The following PTPRD variants were observed in gnomAD, a reference collection of about 807,000 sequenced individuals.
PTPRD encodes the protein protein tyrosine phosphatase receptor type D.
Under a neutral mutation model 214.5 loss-of-function variants are expected in PTPRD, and 34 were observed. That is an observed-to-expected ratio of 0.16 (90% CI 0.12 to 0.21). The LOEUF is 0.21. PTPRD is among the 10% of genes least tolerant of loss of function. The probability of loss-of-function intolerance (pLI) is 1.00; values close to 1 mark genes in which losing one functional copy is unlikely to be tolerated. For synonymous variants in PTPRD, 1,128 were observed against 845.7 expected (o/e 1.33, Z -5.79); for missense variants, 2,545 against 2,398.7 (o/e 1.06, Z -1.27).
At chr9:8,530,755 C>A (rs1043752298) in intron 14 of PTPRD, among the ~76,000 whole-genome samples, 2 of 152,098 alleles carry the variant, frequency 1.3e-5, no homozygotes, top group Admixed American at 6.6e-5. Flanking sequence ...CAGAGAGATT[C>A]TGAATGTGAA....
At chr9:8,962,356 T>C (rs1191194134) in intron 11 of PTPRD, among the ~76,000 whole-genome samples, 1 of 152,246 alleles carries the variant, frequency 6.6e-6, no homozygotes, top group East Asian at 1.9e-4. Context: ...TCAGAGAGGC[T>C]AATATGTGCC....
chr9:10,363,258 G>A (rs1456633696), intron 2 of PTPRD, among the ~76,000 whole-genome samples: 1 of 152,146 alleles, frequency 6.6e-6, no homozygotes, highest in African/African-American at 2.4e-5. Context: ...TGAGGTCAAG[G>A]CTATTGGTCC....
intron 9 of PTPRD, among the ~76,000 whole-genome samples, chr9:9,344,653 T>C (rs2137596801): frequency 6.6e-6 from 1 of 152,238 alleles, no homozygotes; most frequent in African/African-American, 2.4e-5. Flanking sequence ...AATGTTTCTG[T>C]ATTCTGAAAA....
chr9:8,806,840 G>A (rs1043485498), intron 11 of PTPRD, among the ~76,000 whole-genome samples: 1 of 152,064 alleles, frequency 6.6e-6, no homozygotes. Flanking sequence ...CCTCCACTTG[G>A]CTACTGTACT....
rs548037336 is a variant in PTPRD at position 10,035,923 on chromosome 9, A to G, written c.-544-2133T>C. 9.0e-4 allele frequency among the ~76,000 whole-genome samples: 136 copies of G among 151,932 alleles called. 1 individual carries two copies. In the East Asian group the frequency reaches 0.024, roughly 27 times the overall value. On this transcript the variant is annotated intron_variant, in intron 3 of 45. Transcript: ENST00000381196. ...GCCCTTGTTCAGGAAGCGGAAATCT[A>G]TATCTTCATTTGTTTGTGTTTAAAA...
At chr9:10,589,897 T>G (rs1422874821) in intron 2 of PTPRD, among the ~76,000 whole-genome samples, 2 of 152,058 alleles carry the variant, frequency 1.3e-5, no homozygotes, top group East Asian at 3.9e-4. Context: ...GGCTAAGAAA[T>G]GCATAAGCTA....
chr9:8,492,040 C>A (rs1009831985), intron 27 of PTPRD, among the ~76,000 whole-genome samples: 1 of 152,192 alleles, frequency 6.6e-6, no homozygotes, highest in African/African-American at 2.4e-5. Flanking sequence ...CCTACTGTGG[C>A]TGACCAAAGT....
At chr9:8,654,474 G>C (rs890764802) in intron 12 of PTPRD, among the ~76,000 whole-genome samples, 2 of 152,044 alleles carry the variant, frequency 1.3e-5, no homozygotes, top group African/African-American at 4.8e-5. Flanking sequence ...CATATACCCT[G>C]TACATATGAG....
At chr9:8,626,217 T>TA (rs1306646311) in intron 14 of PTPRD, among the ~76,000 whole-genome samples, 1 of 151,914 alleles carries the variant, frequency 6.6e-6, no homozygotes, top group African/African-American at 2.4e-5. Context: ...ACCAACTACC[T>TA]AGTTTTAAAT....
chr9:8,582,952 T>C (rs2093313723), intron 14 of PTPRD, among the ~76,000 whole-genome samples: 1 of 152,194 alleles, frequency 6.6e-6, no homozygotes, highest in Non-Finnish European at 1.5e-5. Context: ...GAGCACTGCT[T>C]GAAATTGGAA....
intron 14 of PTPRD, among the ~76,000 whole-genome samples, chr9:8,585,865 C>T (rs1013433811): frequency 6.6e-6 from 1 of 152,184 alleles, no homozygotes; most frequent in Non-Finnish European, 1.5e-5. Flanking sequence ...GAGATCAAAA[C>T]ATTGTTATGG....
chr9:8,823,312 G>A (rs2097109082), intron 11 of PTPRD, among the ~76,000 whole-genome samples: 1 of 152,004 alleles, frequency 6.6e-6, no homozygotes, highest in African/African-American at 2.4e-5. Context: ...GCCATCTTTG[G>A]TTTCAATGAT....
intron 2 of PTPRD, among the ~76,000 whole-genome samples, chr9:10,524,260 C>T (rs1205236794): frequency 6.6e-6 from 1 of 152,088 alleles, no homozygotes; most frequent in Non-Finnish European, 1.5e-5. Flanking sequence ...GAGCATCTAT[C>T]ACACCACTAC....
At chr9:8,617,871 C>A (rs2095664063) in intron 14 of PTPRD, among the ~76,000 whole-genome samples, 1 of 152,074 alleles carries the variant, frequency 6.6e-6, no homozygotes, top group Non-Finnish European at 1.5e-5. Flanking sequence ...CAGCACAGAA[C>A]ATACTCAATA....
chr9:10,595,189 C>T (rs1190149350), intron 2 of PTPRD, among the ~76,000 whole-genome samples: 1 of 151,804 alleles, frequency 6.6e-6, no homozygotes. Flanking sequence ...ATTGTGTCTA[C>T]AGAAATCCAT....
At chr9:9,332,427 A>G (rs1330284974) in intron 9 of PTPRD, among the ~76,000 whole-genome samples, 2 of 152,076 alleles carry the variant, frequency 1.3e-5, no homozygotes, top group East Asian at 1.9e-4. Context: ...AACTAAAAAA[A>G]TAACCACACA....
At chr9:8,362,020 T>C (rs1223760383) in intron 39 of PTPRD, among the ~76,000 whole-genome samples, 1 of 152,236 alleles carries the variant, frequency 6.6e-6, no homozygotes, top group Non-Finnish European at 1.5e-5. Context: ...AGATTGCCCA[T>C]GCAGAAATGC....
At chr9:8,592,251 G>T (rs1431726997) in intron 14 of PTPRD, among the ~76,000 whole-genome samples, 1 of 152,042 alleles carries the variant, frequency 6.6e-6, no homozygotes, top group Non-Finnish European at 1.5e-5. Context: ...CAACTACTCA[G>T]ACTCAAAGTA....
intron 11 of PTPRD, among the ~76,000 whole-genome samples, chr9:8,829,979 A>C (rs890297669): frequency 6.6e-6 from 1 of 152,244 alleles, no homozygotes; most frequent in Non-Finnish European, 1.5e-5. Flanking sequence ...GACCTTTCAG[A>C]AAATATTTAC....
Sources: allele counts gnomAD v4.1 joint callset (sites outside exome capture counted in the v4.1 genomes callset), GRCh38; gene constraint gnomAD v4.1.1; transcripts MANE v1.5; gene names NCBI Gene and HGNC (gene_info 2026-07-23, HGNC 2026-07-21).